Variants in FNBP1 observed in about 807,000 individuals in gnomAD.
FNBP1 encodes the protein formin binding protein 1.
In FNBP1, 26 loss-of-function variants were observed where a neutral mutation model predicts 90.6. The observed-to-expected ratio is 0.29, with a 90% CI of 0.21 to 0.40. The LOEUF is 0.40. Among genes scored for constraint, FNBP1 ranks in the 10% least tolerant of loss-of-function variants. The pLI is 1.00. For synonymous variants in FNBP1, 260 were observed against 265.2 expected (o/e 0.98, Z 0.19); for missense variants, 635 against 768.0 (o/e 0.83, Z 2.05).
intron 10 of FNBP1, among the ~76,000 whole-genome samples, chr9:129,916,786 T>C (rs2040327342): frequency 6.6e-6 from 1 of 152,140 alleles, no homozygotes; most frequent in Admixed American, 6.5e-5. Context: ...AACATTGACA[T>C]GAAGGCAAAG....
At chr9:129,927,802 T>G (rs1455186738) in intron 7 of FNBP1, among the ~76,000 whole-genome samples, 2 of 149,374 alleles carry the variant, frequency 1.3e-5, no homozygotes, top group Non-Finnish European at 3.0e-5. Flanking sequence ...TTTTGTATTT[T>G]TAGTACAGAT....
intron 10 of FNBP1, 50 bp from the exon 11 acceptor site, chr9:129,916,030 GAGAA>G: frequency 7.5e-7 from 1 of 1,331,118 alleles, no homozygotes; most frequent in Non-Finnish European, 1.1e-6. Context: ...GAAAGAGAGA[GAGAA>G]AGAGAAAAAA....
intron 9 of FNBP1, 78 bp downstream of exon 9, chr9:129,924,882 C>T (rs898003909): frequency 1.6e-6 from 2 of 1,238,328 alleles, no homozygotes; most frequent in East Asian, 2.5e-5. Flanking sequence ...GGTTTAGGAT[C>T]TTAGTTTTTC....
rs145080731 is a variant in FNBP1 at position 129,957,049 on chromosome 9, T to TC, written c.513+310_513+311insG. 6.4e-3 allele frequency among the ~76,000 whole-genome samples: 966 copies of TC among 151,292 alleles called. 3 individuals are homozygous for TC. Among genetic ancestry groups the TC allele is most frequent in the East Asian group, 0.012 (63 of 5,160 alleles). On this transcript the variant is annotated intron_variant, in intron 6 of 16. Coordinates refer to ENST00000446176, the MANE Select transcript of FNBP1 (RefSeq NM_015033.3). This position sits in a 1 kb window ranked among gnomAD's most constrained non-coding sequence, Gnocchi z 4.3. ...ACTTGAGCTTTCTTTTGTCTTTTTT[T>TC]TTTTTTGGCGATAGTTTCGCTCTTG... is the stretch of plus-strand genomic sequence containing the variant.
At chr9:129,914,208 T>C (rs530795749) in intron 11 of FNBP1, among the ~76,000 whole-genome samples, 2 of 151,116 alleles carry the variant, frequency 1.3e-5, no homozygotes, top group Non-Finnish European at 3.0e-5. Flanking sequence ...GGTCTCACTC[T>C]GTCACCCAAG....
At chr9:130,017,568 G>A (rs866401575) in intron 1 of FNBP1, among the ~76,000 whole-genome samples, 1 of 152,056 alleles carries the variant, frequency 6.6e-6, no homozygotes, top group Non-Finnish European at 1.5e-5. Context: ...GGTAGCTCAC[G>A]CCTGTAATCT....
chr9:129,956,511 G>A (rs1397860506), intron 6 of FNBP1, among the ~76,000 whole-genome samples: 1 of 152,194 alleles, frequency 6.6e-6, no homozygotes, highest in African/African-American at 2.4e-5. Flanking sequence ...GCCACAATGA[G>A]AAACAGTATA....
At position 129,890,068 on chromosome 9, in the gene FNBP1, C is replaced by CACACGGATGACATCG. The variant is rs888923361; in HGVS notation, c.*456_*470dup. 2 of 260,824 alleles carry CACACGGATGACATCG rather than the reference C, an allele frequency of 7.7e-6. No homozygotes were observed. Among genetic ancestry groups the CACACGGATGACATCG allele is most frequent in the East Asian group, 5.8e-5 (1 of 17,182 alleles). 16.2% of individuals were successfully genotyped at this position (260,824 alleles called of 1,614,324 possible). A position where few individuals can be genotyped will look rare whatever the true frequency, so the allele number is the denominator to read the frequency against. The stretch of plus-strand genomic sequence containing the variant: ...GTTTTCTACAGCAGACAGTCTGGGA[C>CACACGGATGACATCG]ACACGGATGACATCGACACGGATGA... On this transcript the variant is annotated 3_prime_UTR_variant, in exon 17 of 17. Transcript: ENST00000446176. The surrounding 1 kb of genome is among the most constrained non-coding windows in gnomAD (Gnocchi z 5.8).
At chr9:130,052,282 A>T in the FNBP1 span, among the ~76,000 whole-genome samples, 1 of 152,214 alleles carries the variant, frequency 6.6e-6, no homozygotes, top group African/African-American at 2.4e-5. Flanking sequence ...GTCACATGAT[A>T]ATACCCAAGT....
Position 129,890,506 on chromosome 9 carries a change from G to T in FNBP1, c.*33C>A. The T allele has an allele frequency of 6.3e-7, 1 of 1,575,832 alleles. No homozygotes were observed. The stretch of plus-strand genomic sequence containing the variant: ...AACAAGCAGACGGAGGCTCCTCCAG[G>T]AAGGCTCACCCGAGGCTCGCAGGCA... On this transcript the variant is annotated 3_prime_UTR_variant, in exon 17 of 17. Coordinates refer to ENST00000446176, the MANE Select transcript of FNBP1 (RefSeq NM_015033.3). The surrounding 1 kb of genome is among the most constrained non-coding windows in gnomAD (Gnocchi z 5.8).
the FNBP1 span, among the ~76,000 whole-genome samples, chr9:130,052,320 C>T: frequency 6.6e-6 from 1 of 152,168 alleles, no homozygotes; most frequent in African/African-American, 2.4e-5. Flanking sequence ...GCTATGAACC[C>T]AGTTTTAAGC....
intron 1 of FNBP1, among the ~76,000 whole-genome samples, chr9:130,022,458 C>A (rs565020502): frequency 6.6e-6 from 1 of 152,330 alleles, no homozygotes; most frequent in East Asian, 1.9e-4. Context: ...CCACCCACCT[C>A]GGCCTTCCGA....
chr9:129,949,444 C>T (rs1392900961), intron 6 of FNBP1, among the ~76,000 whole-genome samples: 2 of 152,082 alleles, frequency 1.3e-5, no homozygotes, highest in Admixed American at 1.3e-4. Context: ...AAACTGGGTG[C>T]CTTAAGGATG....
At chr9:129,973,450 A>G (rs975002497) in intron 4 of FNBP1, among the ~76,000 whole-genome samples, 4 of 152,194 alleles carry the variant, frequency 2.6e-5, no homozygotes, top group Non-Finnish European at 1.5e-5. Flanking sequence ...GTTGGTTATT[A>G]CGAGAAGGTC....
Position 129,957,873 on chromosome 9 carries a change from T to C in FNBP1, c.409-409A>G, listed in dbSNP as rs527391927. ...TGGCCCAAGAATACTCTTCTCTGAA[T>C]TGATTTCTTATATGTCATAATTTCT... On this transcript the variant is annotated intron_variant, in intron 5 of 16. Transcript: ENST00000446176. The surrounding 1 kb of genome is among the most constrained non-coding windows in gnomAD (Gnocchi z 4.3). 3.7e-4 allele frequency among the ~76,000 whole-genome samples: 56 copies of C among 152,340 alleles called. No homozygotes were observed. The highest frequency in any genetic ancestry group is 1.3e-3 in the African/African-American group (53 of 41,588).
chr9:129,960,220 T>C (rs898888533), intron 4 of FNBP1, among the ~76,000 whole-genome samples: 2 of 151,286 alleles, frequency 1.3e-5, no homozygotes, highest in Non-Finnish European at 2.9e-5. Flanking sequence ...CTACTAAAAA[T>C]ACAAAAACTG....
At chr9:130,007,239 C>CAAA (rs72063140) in intron 1 of FNBP1, among the ~76,000 whole-genome samples, 11,915 of 76,532 alleles carry the variant, frequency 0.16, 2,238 homozygotes, top group East Asian at 0.63. Flanking sequence ...GAGATCCTGT[C>CAAA]AAAAAAAAAA....
At chr9:129,910,290 G>A in intron 11 of FNBP1, 1 of 428,642 alleles carries the variant, frequency 2.3e-6, no homozygotes, top group South Asian at 1.6e-5. Flanking sequence ...AGACCAGCCT[G>A]GCCAACAATG....
At chr9:129,926,899 A>G (rs992299239) in intron 8 of FNBP1, among the ~76,000 whole-genome samples, 4 of 151,834 alleles carry the variant, frequency 2.6e-5, no homozygotes, top group African/African-American at 7.3e-5. Flanking sequence ...AAGAAAAAAA[A>G]AAAAAGAAAA....
Sources: allele counts gnomAD v4.1 joint callset (sites outside exome capture counted in the v4.1 genomes callset), GRCh38; gene constraint gnomAD v4.1.1; non-coding constraint Gnocchi (gnomAD v3.1); transcripts MANE v1.5; gene names NCBI Gene and HGNC (gene_info 2026-07-23, HGNC 2026-07-21).